The following METTL8 variants were observed in gnomAD, a reference collection of about 807,000 sequenced individuals.
METTL8 encodes tRNA N(3)-cytidine methyltransferase METTL8, mitochondrial.
METTL8 carries 32 observed loss-of-function variants against 48.7 expected under a neutral mutation model. That is an observed-to-expected ratio of 0.66 (90% CI 0.50 to 0.88). The LOEUF (loss-of-function observed/expected upper bound fraction) is 0.88, where lower values mean the gene tolerates loss of function less well. Ranked by LOEUF, METTL8 falls within the 40% of genes least tolerant of loss-of-function variation. The probability of loss-of-function intolerance (pLI) is 0.00; values close to 1 mark genes in which losing one functional copy is unlikely to be tolerated. For missense variants in METTL8, 464 were observed against 474.4 expected (o/e 0.98, Z 0.20); for synonymous variants, 136 against 157.1 (o/e 0.87, Z 1.01).
At chr2:171,392,549 TG>T (rs1318793646) in intron 1 of METTL8, among the ~76,000 whole-genome samples, 1 of 152,166 alleles carries the variant, frequency 6.6e-6, no homozygotes, top group Admixed American at 6.6e-5. Flanking sequence ...TTTTATTTTT[TG>T]GGGGGTAATT....
chr2:171,417,254 CT>C (rs1238178247), intron 1 of METTL8, among the ~76,000 whole-genome samples: 1 of 152,118 alleles, frequency 6.6e-6, no homozygotes, highest in African/African-American at 2.4e-5. Context: ...TCTCTTGAAT[CT>C]TTATAATCTC....
intron 3 of METTL8, 92 bp downstream of exon 3, chr2:171,360,330 G>T: frequency 3.0e-6 from 3 of 991,530 alleles, no homozygotes. Flanking sequence ...CTGGCATCAG[G>T]AGAGGCTAAG....
At chr2:171,434,163 A>C (rs1454183929), upstream of METTL8, 4 of 351,078 alleles carry the variant, frequency 1.1e-5, no homozygotes, top group East Asian at 3.4e-4. Flanking sequence ...GGGCCGCGGC[A>C]GGCAGAGGCA....
chr2:171,325,799 G>T, intron 9 of METTL8, 42 bp downstream of exon 9: 2 of 1,211,154 alleles, frequency 1.7e-6, no homozygotes, highest in South Asian at 2.7e-5. Flanking sequence ...TAACTAACAA[G>T]AACGATTATG....
At chr2:171,395,542 G>A (rs1490222086) in intron 1 of METTL8, among the ~76,000 whole-genome samples, 2 of 152,012 alleles carry the variant, frequency 1.3e-5, no homozygotes, top group East Asian at 3.8e-4. Flanking sequence ...AAGCTGGTGG[G>A]GCTATATTAA....
At chr2:171,380,278 C>T (rs888880291) in intron 2 of METTL8, among the ~76,000 whole-genome samples, 6 of 152,102 alleles carry the variant, frequency 3.9e-5, no homozygotes, top group Non-Finnish European at 8.8e-5. Context: ...TATGACAAAC[C>T]CATGGCCAAT....
chr2:171,382,910 T>TA (rs1687706639), intron 2 of METTL8, among the ~76,000 whole-genome samples: 4 of 151,566 alleles, frequency 2.6e-5, no homozygotes, highest in Non-Finnish European at 5.9e-5. Flanking sequence ...CCATCTCTAC[T>TA]AAAAATACAA....
intron 3 of METTL8, 88 bp from the exon 4 acceptor site, chr2:171,339,642 A>T: frequency 1.7e-6 from 1 of 582,062 alleles, no homozygotes; most frequent in South Asian, 4.2e-5. Flanking sequence ...AAACATATAC[A>T]TTATCATTTA....
At chr2:171,433,366 T>C (rs1693348372) in intron 1 of METTL8, 1 of 152,252 alleles carries the variant, frequency 6.6e-6, no homozygotes, top group African/African-American at 2.4e-5. Flanking sequence ...TGTACTGTAC[T>C]TTTTGCTCTG....
At chr2:171,401,069 G>C (rs1002070344) in intron 1 of METTL8, among the ~76,000 whole-genome samples, 1 of 151,920 alleles carries the variant, frequency 6.6e-6, no homozygotes, top group Non-Finnish European at 1.5e-5. Context: ...TTAGTGAGAC[G>C]TTCATGTTTT....
chr2:171,420,649 GAGGTTAGCAACCACCCAA>G (rs1433714240), intron 1 of METTL8, among the ~76,000 whole-genome samples: 1 of 152,166 alleles, frequency 6.6e-6, no homozygotes, highest in Non-Finnish European at 1.5e-5. Flanking sequence ...AATGAGCACT[GAGGTTAGCAACCACCCAA>G]AGCCTACAAT....
intron 5 of METTL8, 135 bp downstream of exon 5, chr2:171,337,318 T>C (rs953894834): frequency 3.4e-6 from 2 of 589,500 alleles, no homozygotes; most frequent in Non-Finnish European, 5.9e-6. Context: ...GACATTTCTT[T>C]TGAAATTTGC....
At chr2:171,388,406 T>C (rs957540517) in intron 2 of METTL8, among the ~76,000 whole-genome samples, 2 of 152,220 alleles carry the variant, frequency 1.3e-5, no homozygotes, top group East Asian at 1.9e-4. Context: ...ATCTGGCCTA[T>C]GTCATTCCAA....
intron 3 of METTL8, among the ~76,000 whole-genome samples, chr2:171,340,824 C>T (rs923564902): frequency 2.0e-5 from 3 of 152,164 alleles, no homozygotes; most frequent in African/African-American, 7.2e-5. Context: ...CTTTTGGAAT[C>T]TGGAGGCCAT....
intron 7 of METTL8, among the ~76,000 whole-genome samples, chr2:171,328,028 G>A (rs1685132452): frequency 6.6e-6 from 1 of 152,156 alleles, no homozygotes; most frequent in African/African-American, 2.4e-5. Context: ...ATAAAGGCAA[G>A]GAACGGGAGC....
chr2:171,375,658 T>C (rs942652853), intron 2 of METTL8, among the ~76,000 whole-genome samples: 3 of 152,226 alleles, frequency 2.0e-5, no homozygotes, highest in East Asian at 1.9e-4. Context: ...TGTTGTTTGC[T>C]TTCTTATTAT....
At chr2:171,414,729 G>GAA (rs57095998) in intron 1 of METTL8, 220 of 128,686 alleles carry the variant, frequency 1.7e-3, no homozygotes, top group African/African-American at 5.5e-3. Flanking sequence ...CTCTGTTTCT[G>GAA]AAAAAAAAAA....
Position 171,412,012 on chromosome 2 carries a change from A to G in METTL8, c.-12-19815T>C, listed in dbSNP as rs373886270. 1.4e-4 allele frequency among the ~76,000 whole-genome samples: 22 copies of G among 152,354 alleles called. 1 individual carries two copies. Among genetic ancestry groups the G allele is most frequent in the African/African-American group, 5.3e-4 (22 of 41,584 alleles). On this transcript the variant is annotated intron_variant, in intron 1 of 9. Coordinates refer to ENST00000375258, the MANE Select transcript of METTL8 (RefSeq NM_001321154.2). ...AATGCAGATGGCCACTAGACACTTG[A>G]AACTGTTCATCACACTAATAATAAA...
intron 2 of METTL8, among the ~76,000 whole-genome samples, chr2:171,369,708 CCTAAAACAGAATGCAAAGATGTATGG>C (rs1686102697): frequency 1.3e-5 from 2 of 152,076 alleles, no homozygotes; most frequent in East Asian, 3.9e-4. Context: ...TGAAATAATT[CCTAAAACAGAATGCAAAGATGTATGG>C]CTAAATGCCA....
Sources: gnomAD v4.1 joint callset for allele counts (sites outside exome capture counted in the v4.1 genomes callset) on GRCh38, gnomAD v4.1.1 for gene constraint, MANE v1.5 for transcripts, NCBI Gene and HGNC (gene_info 2026-07-23, HGNC 2026-07-21) for gene names.